FAM241A: variants seen among roughly 807,000 people sequenced by gnomAD.
FAM241A encodes uncharacterized protein FAM241A.
In FAM241A, 7 loss-of-function variants were observed where a neutral mutation model predicts 12.2. The observed-to-expected ratio is 0.58, with a 90% CI of 0.33 to 1.08. The LOEUF is 1.08. Ranked by LOEUF, FAM241A falls within the 50% of genes least tolerant of loss-of-function variation. FAM241A has a pLI of 0.04. For missense variants in FAM241A, 161 were observed against 169.7 expected (o/e 0.95, Z 0.29); for synonymous variants, 74 against 68.2 (o/e 1.08, Z -0.42).
At chr4:112,176,884 A>G (rs1723832988) in intron 1 of FAM241A, among the ~76,000 whole-genome samples, 1 of 152,210 alleles carries the variant, frequency 6.6e-6, no homozygotes, top group African/African-American at 2.4e-5. Context: ...AAATTTTGGC[A>G]AAGACAAAAG....
intron 1 of FAM241A, among the ~76,000 whole-genome samples, chr4:112,167,200 T>C (rs1723617866): frequency 6.6e-6 from 1 of 152,028 alleles, no homozygotes; most frequent in Non-Finnish European, 1.5e-5. Context: ...ATCTTCAGCA[T>C]ATAAACTATA....
In FAM241A at chr4:112,194,436, A is replaced by C. The variant is rs1426681657; in HGVS notation, c.*7498A>C. 1.3e-5 allele frequency: 2 copies of C among 150,484 alleles called. No individual in the cohort carries two copies. The highest frequency in any genetic ancestry group is 4.9e-5 in the African/African-American group (2 of 41,162). 9.3% of individuals were successfully genotyped at this position (150,484 alleles called of 1,614,324 possible). A position where few individuals can be genotyped will look rare whatever the true frequency, so the allele number is the denominator to read the frequency against. On this transcript the variant is annotated 3_prime_UTR_variant, in exon 2 of 2. Transcript: ENST00000309733. ...ATCCCTGTCTTGTGCCAGTTTTCAA[A>C]GGGAATGCTTCCAGTTTTTGCCCAT...
At chr4:112,162,887 A>G (rs1723507345) in intron 1 of FAM241A, among the ~76,000 whole-genome samples, 1 of 152,250 alleles carries the variant, frequency 6.6e-6, no homozygotes. Context: ...AGCTGGAGGC[A>G]TCACACTACC....
rs1202374818 is a variant in FAM241A, at chr4:112,192,838, T to G, written c.*5900T>G. ...GCATGTGTCTTTATAGCAGCATGAT[T>G]TATAGTCCTTTGAGTATATACCCAG... On this transcript the variant is annotated 3_prime_UTR_variant, in exon 2 of 2. Coordinates refer to ENST00000309733, the MANE Select transcript of FAM241A (RefSeq NM_152400.3). 2.0e-5 allele frequency: 3 copies of G among 151,918 alleles called. No homozygotes were observed. The highest frequency in any genetic ancestry group is 6.6e-5 in the Admixed American group (1 of 15,250). The allele number at this position is 151,918 out of a possible 1,614,324, so 9.4% of individuals were successfully genotyped here.
In FAM241A at chr4:112,145,555, C is replaced by G; in HGVS notation, c.-26C>G. The stretch of plus-strand genomic sequence containing the variant: ...CGCGGCGTGGTCCTCCGGCGGCTGT[C>G]CGGGGCGGTAGGAGTTGGCTGCGGG... On this transcript the variant is annotated 5_prime_UTR_variant, in exon 1 of 2. Coordinates refer to ENST00000309733, the MANE Select transcript of FAM241A (RefSeq NM_152400.3). 1 of 1,242,968 alleles carries G rather than the reference C, an allele frequency of 8.0e-7. No homozygotes were observed. The highest frequency in any genetic ancestry group is 1.0e-6 in the Non-Finnish European group (1 of 992,010). 77.0% of individuals were successfully genotyped at this position (1,242,968 alleles called of 1,614,324 possible). A position where few individuals can be genotyped will look rare whatever the true frequency, so the allele number is the denominator to read the frequency against.
At chr4:112,180,001 A>G (rs1723901654) in intron 1 of FAM241A, among the ~76,000 whole-genome samples, 1 of 74,310 alleles carries the variant, frequency 1.3e-5, no homozygotes, top group South Asian at 5.6e-4. Flanking sequence ...TATATATATT[A>G]TGTAATACTG....
At position 112,189,432 on chromosome 4, in the gene FAM241A, A is replaced by G. The variant is rs948280172; in HGVS notation, c.*2494A>G. ...ATGATTCTCATCATTTCAATCTCAA[A>G]TACAAGCCAGTTTTAGAAACTGTTA... On this transcript the variant is annotated 3_prime_UTR_variant, in exon 2 of 2. Transcript: ENST00000309733. 1 of 152,052 alleles carries G rather than the reference A, an allele frequency of 6.6e-6. No homozygotes were observed. Among genetic ancestry groups the G allele is most frequent in the Non-Finnish European group, 1.5e-5 (1 of 68,018 alleles). The allele number at this position is 152,052 out of a possible 1,614,324, so 9.4% of individuals were successfully genotyped here.
intron 1 of FAM241A, among the ~76,000 whole-genome samples, chr4:112,162,618 C>T (rs1467880481): frequency 6.6e-6 from 1 of 152,164 alleles, no homozygotes; most frequent in Non-Finnish European, 1.5e-5. Flanking sequence ...TGAAGGACCT[C>T]TTCAAGGAGA....
intron 1 of FAM241A, among the ~76,000 whole-genome samples, chr4:112,184,544 A>C (rs1006930496): frequency 1.3e-5 from 2 of 152,182 alleles, no homozygotes; most frequent in Admixed American, 1.3e-4. Flanking sequence ...AAAATTATAT[A>C]AAAGTATAGC....
At chr4:112,157,047 C>A (rs1175453888) in intron 1 of FAM241A, among the ~76,000 whole-genome samples, 1 of 151,980 alleles carries the variant, frequency 6.6e-6, no homozygotes, top group Non-Finnish European at 1.5e-5. Context: ...TCAATTGTGA[C>A]AATGTTAAAT....
At chr4:112,154,636 G>A (rs918687894) in intron 1 of FAM241A, among the ~76,000 whole-genome samples, 1 of 152,112 alleles carries the variant, frequency 6.6e-6, no homozygotes, top group Non-Finnish European at 1.5e-5. Flanking sequence ...GCATATGCAA[G>A]GTACTAAGTA....
Position 112,192,159 on chromosome 4 carries a change from G to T in FAM241A, c.*5221G>T, listed in dbSNP as rs1048739120. 3 of 152,102 alleles carry T rather than the reference G, an allele frequency of 2.0e-5. No homozygotes were observed. Among genetic ancestry groups the T allele is most frequent in the African/African-American group, 7.2e-5 (3 of 41,390 alleles). 9.4% of individuals were successfully genotyped at this position (152,102 alleles called of 1,614,324 possible). A position where few individuals can be genotyped will look rare whatever the true frequency, so the allele number is the denominator to read the frequency against. Reference sequence around the variant, plus strand: ...CTGCTGTTATTTGGATACATACACAGTATTTCCACTATACACTTGTGTATT... The same window carrying T: ...CTGCTGTTATTTGGATACATACACATTATTTCCACTATACACTTGTGTATT... On this transcript the variant is annotated 3_prime_UTR_variant, in exon 2 of 2. Transcript: ENST00000309733.
intron 1 of FAM241A, among the ~76,000 whole-genome samples, chr4:112,182,544 A>T (rs966447109): frequency 6.6e-6 from 1 of 151,928 alleles, no homozygotes; most frequent in Non-Finnish European, 1.5e-5. Context: ...GGTGGAAAGA[A>T]GGGAGGGATC....
At chr4:112,156,318 A>G (rs534240046) in intron 1 of FAM241A, among the ~76,000 whole-genome samples, 12 of 152,266 alleles carry the variant, frequency 7.9e-5, no homozygotes, top group Non-Finnish European at 1.8e-4. Context: ...ACTTCCTCAG[A>G]AAGTTCAGCT....
intron 1 of FAM241A, among the ~76,000 whole-genome samples, chr4:112,149,504 C>T (rs1488606528): frequency 6.6e-6 from 1 of 152,102 alleles, no homozygotes; most frequent in Non-Finnish European, 1.5e-5. Context: ...AAAATATTTG[C>T]TTGTAAATCC....
intron 1 of FAM241A, among the ~76,000 whole-genome samples, chr4:112,157,794 T>C (rs1202159943): frequency 1.3e-5 from 2 of 152,142 alleles, no homozygotes; most frequent in African/African-American, 4.8e-5. Flanking sequence ...CATACCTATG[T>C]CTAGTTTTTA....
At chr4:112,179,929 ATATATATATG>A (rs1306243901) in intron 1 of FAM241A, among the ~76,000 whole-genome samples, 2 of 127,796 alleles carry the variant, frequency 1.6e-5, no homozygotes, top group Non-Finnish European at 3.3e-5. Context: ...ATATATATAT[ATATATATATG>A]TATATGTGTG....
chr4:112,179,010 T>C (rs1262404092), intron 1 of FAM241A, among the ~76,000 whole-genome samples: 2 of 152,224 alleles, frequency 1.3e-5, no homozygotes, highest in Non-Finnish European at 2.9e-5. Context: ...GGAATGCTTA[T>C]ACATTATTGG....
chr4:112,194,571 T>G lies in FAM241A; in HGVS notation c.*7633T>G, dbSNP rs557917748. ...TTTTTAGCATGAAGCGTTGTTGAAT[T>G]TTGTCAAAGGCCTTTTCTGCATCTA... is the stretch of plus-strand genomic sequence containing the variant. On this transcript the variant is annotated 3_prime_UTR_variant, in exon 2 of 2. Coordinates refer to ENST00000309733, the MANE Select transcript of FAM241A (RefSeq NM_152400.3). The G allele has an allele frequency of 8.6e-4, 131 of 152,198 alleles. No homozygotes were observed. Among genetic ancestry groups the G allele is most frequent in the African/African-American group, 3.1e-3 (129 of 41,518 alleles). 9.4% of individuals were successfully genotyped at this position (152,198 alleles called of 1,614,324 possible). A position where few individuals can be genotyped will look rare whatever the true frequency, so the allele number is the denominator to read the frequency against.
Sources: allele counts gnomAD v4.1 joint callset (sites outside exome capture counted in the v4.1 genomes callset), GRCh38; gene constraint gnomAD v4.1.1; transcripts MANE v1.5; gene names NCBI Gene and HGNC (gene_info 2026-07-23, HGNC 2026-07-21).